Variants in SNRPE observed in about 807,000 individuals in gnomAD.
SNRPE encodes the protein small nuclear ribonucleoprotein E.
For synonymous variants in SNRPE, 35 were observed against 36.7 expected (o/e 0.95, Z 0.17); for missense variants, 53 against 111.6 (o/e 0.48, Z 2.36).
intron 4 of SNRPE, among the ~76,000 whole-genome samples, chr1:203,867,232 A>G (rs1572406094): frequency 6.6e-6 from 1 of 150,828 alleles, no homozygotes; most frequent in Middle Eastern, 3.5e-3. Flanking sequence ...GTGAGCTGAG[A>G]TCACGCCACT....
chr1:203,870,016 ATT>A lies in SNRPE; in HGVS notation c.*85_*86del, dbSNP rs1462700668. The A allele has an allele frequency of 3.7e-6, 3 of 801,800 alleles. No individual in the cohort carries two copies. The African/African-American group carries it at 5.2e-5, about 14-fold the overall frequency. 49.7% of individuals were successfully genotyped at this position (801,800 alleles called of 1,614,324 possible). A position where few individuals can be genotyped will look rare whatever the true frequency, so the allele number is the denominator to read the frequency against. ...TTGTCCAATGTGAACATTTATTCAT[ATT>A]GTTTTGATTACCCTCGTGTTACTAC... On this transcript the variant is annotated 3_prime_UTR_variant, in exon 5 of 5. Transcript: ENST00000414487.
chr1:203,863,815 T>C (rs1690029855), intron 3 of SNRPE, 90 bp downstream of exon 3: 2 of 889,882 alleles, frequency 2.2e-6, no homozygotes, highest in Non-Finnish European at 3.6e-6. Flanking sequence ...GTATAAAAAG[T>C]CAAAGATCCA....
At chr1:203,868,999 G>C (rs1690153061) in intron 4 of SNRPE, among the ~76,000 whole-genome samples, 1 of 152,190 alleles carries the variant, frequency 6.6e-6, no homozygotes, top group African/African-American at 2.4e-5. Context: ...TGTCTTGCCA[G>C]GACGGGCAAG....
intron 4 of SNRPE, among the ~76,000 whole-genome samples, chr1:203,868,814 G>A (rs1307624979): frequency 1.1e-4 from 1 of 9,214 alleles, no homozygotes. Context: ...GGATTACAGG[G>A]CATGCCACCA....
intron 3 of SNRPE, among the ~76,000 whole-genome samples, 196 bp from the exon 4 acceptor site, chr1:203,864,845 C>G (rs1033215947): frequency 7.2e-6 from 1 of 139,024 alleles, no homozygotes; most frequent in Non-Finnish European, 1.5e-5. Flanking sequence ...CCACTGCACT[C>G]TAGCCTGGAA....
Position 203,863,827 on chromosome 1 carries a change from C to G in SNRPE, c.144+102C>G. The G allele has an allele frequency of 3.8e-6, 3 of 790,462 alleles. No homozygotes were observed. In the South Asian group the frequency reaches 5.6e-5, roughly 15 times the overall value. 49.0% of individuals were successfully genotyped at this position (790,462 alleles called of 1,614,324 possible). The stretch of plus-strand genomic sequence containing the variant: ...AGTGTATAAAAAGTCAAAGATCCAA[C>G]CTAAGGAAAGTTTTTCAGGTGCTGC... On this transcript the variant is annotated intron_variant, in intron 3 of 4. Coordinates refer to ENST00000414487, the MANE Select transcript of SNRPE (RefSeq NM_003094.4).
rs777103893 is a variant in SNRPE at position 203,862,201 on chromosome 1, C to T, written c.60C>T (p.Leu20=). 6 of 1,610,836 alleles carry T rather than the reference C, an allele frequency of 3.7e-6. No homozygotes were observed. In the Admixed American group the frequency reaches 6.7e-5, roughly 18 times the overall value. Residue 20 remains leucine (L), a synonymous_variant, in exon 2 of 5, where the codon CTC becomes CTT. Transcript: ENST00000414487. ...VQKVMVQPIN[L]IFRYLQNRSR... Reference sequence around the variant, plus strand: ...CCTTAGCCACTGTGGTGCAGAACCTCATCTTCAGATACTTACAAAATGTAC... The same window carrying T: ...CCTTAGCCACTGTGGTGCAGAACCTTATCTTCAGATACTTACAAAATGTAC...
At chr1:203,864,882 A>AT (rs1690055776) in intron 3 of SNRPE, among the ~76,000 whole-genome samples, 159 bp from the exon 4 acceptor site, 1 of 37,980 alleles carries the variant, frequency 2.6e-5, no homozygotes, top group African/African-American at 1.1e-4. Context: ...TTCTCAAAAA[A>AT]AAAAAAAAAA....
Position 203,870,025 on chromosome 1 carries a change from A to G in SNRPE, c.*93A>G. The G allele has an allele frequency of 1.3e-6, 1 of 754,744 alleles. No individual in the cohort carries two copies. The highest frequency in any genetic ancestry group is 2.1e-6 in the Non-Finnish European group (1 of 466,184). The allele number at this position is 754,744 out of a possible 1,614,324, so 46.8% of individuals were successfully genotyped here. A position where few individuals can be genotyped will look rare whatever the true frequency, so the allele number is the denominator to read the frequency against. On this transcript the variant is annotated 3_prime_UTR_variant, in exon 5 of 5. Coordinates refer to ENST00000414487, the MANE Select transcript of SNRPE (RefSeq NM_003094.4). ...GTGAACATTTATTCATATTGTTTTG[A>G]TTACCCTCGTGTTACTACAAGATGG...
At chr1:203,862,250 C>G (rs373875700) in intron 2 of SNRPE, 28 bp downstream of exon 2, 36 of 1,540,044 alleles carry the variant, frequency 2.3e-5, no homozygotes, top group African/African-American at 4.1e-5. Context: ...TTCGTAACTA[C>G]TTTTTAAATA....
intron 2 of SNRPE, 21 bp from the exon 3 acceptor site, chr1:203,863,642 C>T: frequency 6.2e-7 from 1 of 1,601,374 alleles, no homozygotes; most frequent in Middle Eastern, 1.7e-4. Context: ...TTTAACGTTT[C>T]CACTTTTATG....
chr1:203,869,845 A>G lies in SNRPE; in HGVS notation c.224-32A>G, dbSNP rs373785162. Reference sequence around the variant, plus strand: ...GAGTAAAACATCTGAGTGTGTGGCTATTAATAGCTTTTTGTTGTTTTTGTG... The same window carrying G: ...GAGTAAAACATCTGAGTGTGTGGCTGTTAATAGCTTTTTGTTGTTTTTGTG... On this transcript the variant is annotated intron_variant, in intron 4 of 4. Transcript: ENST00000414487. 2.4e-5 allele frequency: 37 copies of G among 1,536,244 alleles called. No individual in the cohort carries two copies. The African/African-American group carries it at 3.5e-4, about 15-fold the overall frequency.
At chr1:203,862,639 G>A (rs1352145122) in intron 2 of SNRPE, among the ~76,000 whole-genome samples, 3 of 152,148 alleles carry the variant, frequency 2.0e-5, no homozygotes, top group Non-Finnish European at 4.4e-5. Flanking sequence ...ATACCTGTGG[G>A]AAAACTTAAA....
intron 2 of SNRPE, 79 bp from the exon 3 acceptor site, chr1:203,863,584 G>T (rs1207493487): frequency 1.1e-5 from 10 of 943,744 alleles, no homozygotes; most frequent in African/African-American, 1.6e-5. Flanking sequence ...CTCCGAAAGT[G>T]CTGGGATTAC....
At chr1:203,869,373 C>T (rs1448569572) in intron 4 of SNRPE, among the ~76,000 whole-genome samples, 2 of 135,728 alleles carry the variant, frequency 1.5e-5, no homozygotes, top group African/African-American at 5.5e-5. Flanking sequence ...ATGGTGCCAT[C>T]TTGGCTCACT....
intron 2 of SNRPE, among the ~76,000 whole-genome samples, chr1:203,863,434 C>G (rs765661025): frequency 6.6e-6 from 1 of 152,280 alleles, no homozygotes; most frequent in East Asian, 1.9e-4. Context: ...TCTCCTGCTT[C>G]AGCGTCCCGA....
At chr1:203,866,810 T>G (rs1690096289) in intron 4 of SNRPE, among the ~76,000 whole-genome samples, 1 of 151,924 alleles carries the variant, frequency 6.6e-6, no homozygotes, top group Non-Finnish European at 1.5e-5. Context: ...CATGATCTAG[T>G]CTTATCTCCC....
intron 4 of SNRPE, among the ~76,000 whole-genome samples, chr1:203,867,212 G>A (rs1160351089): frequency 6.6e-6 from 1 of 151,632 alleles, no homozygotes; most frequent in African/African-American, 2.4e-5. Context: ...CCTGGGAGGC[G>A]GAGCTTGCAG....
In SNRPE at chr1:203,862,177, C is replaced by T. The variant is rs1689991628; in HGVS notation, c.55-19C>T. The T allele has an allele frequency of 6.2e-7, 1 of 1,604,166 alleles. No individual in the cohort carries two copies. On this transcript the variant is annotated intron_variant, in intron 1 of 4. Transcript: ENST00000414487. ...GTCTATGCTGCTTTTGTATTTTTTC[C>T]TTAGCCACTGTGGTGCAGAACCTCA... is the stretch of plus-strand genomic sequence containing the variant.
Sources: allele counts gnomAD v4.1 joint callset (sites outside exome capture counted in the v4.1 genomes callset), GRCh38; gene constraint gnomAD v4.1.1; transcripts MANE v1.5; gene names NCBI Gene and HGNC (gene_info 2026-07-23, HGNC 2026-07-21).